The following HDX variants were observed in gnomAD, a reference collection of about 807,000 sequenced individuals.
The protein encoded by HDX is chromosome X open reading frame 43.
Under a neutral mutation model 45.2 loss-of-function variants are expected in HDX, and 19 were observed. The observed-to-expected ratio is 0.42, with a 90% CI of 0.29 to 0.62. The LOEUF is 0.62. Ranked by LOEUF, HDX falls within the 20% of genes least tolerant of loss-of-function variation. The pLI is 0.20. For synonymous variants in HDX, 188 were observed against 172.8 expected (o/e 1.09, Z -0.69); for missense variants, 532 against 493.9 (o/e 1.08, Z -0.73).
At chrX:84,346,325 T>C (rs1259353771) in intron 6 of HDX, among the ~76,000 whole-genome samples, 2 of 111,170 alleles carry the variant, frequency 1.8e-5, no homozygotes, top group Non-Finnish European at 3.8e-5. Context: ...TTAAACATTG[T>C]TTAACATAAT....
intron 5 of HDX, among the ~76,000 whole-genome samples, chrX:84,400,729 G>T (rs1185897509): frequency 9.0e-6 from 1 of 111,211 alleles, no homozygotes; most frequent in East Asian, 2.8e-4. Flanking sequence ...ACCCAAAAAA[G>T]AGCTCGTACA....
chrX:84,448,755 C>A (rs866926046), intron 4 of HDX, among the ~76,000 whole-genome samples: 17 of 110,779 alleles, frequency 1.5e-4, no homozygotes, highest in Middle Eastern at 4.6e-3. Flanking sequence ...AATATGATAC[C>A]TCTAAAGGAT....
At chrX:84,351,045 A>T (rs1332781297) in intron 6 of HDX, among the ~76,000 whole-genome samples, 1 of 107,814 alleles carries the variant, frequency 9.3e-6, no homozygotes, top group Non-Finnish European at 1.9e-5. Context: ...CTATCTATCT[A>T]TCTATCTATC....
chrX:84,440,646 T>C (rs778860041), intron 4 of HDX, 61 bp from the exon 5 acceptor site: 4 of 698,072 alleles, frequency 5.7e-6, no homozygotes, highest in Non-Finnish European at 4.5e-6. Flanking sequence ...GGAATGTTGA[T>C]CAACACCAAA....
At chrX:84,344,138 T>C (rs1189147515) in intron 7 of HDX, 112 bp downstream of exon 7, 3 of 533,615 alleles carry the variant, frequency 5.6e-6, no homozygotes, top group Non-Finnish European at 9.2e-6. Context: ...TTTCAAATAC[T>C]TGGCCAAATG....
At chrX:84,361,225 C>A (rs1281177698) in intron 6 of HDX, among the ~76,000 whole-genome samples, 1 of 111,348 alleles carries the variant, frequency 9.0e-6, no homozygotes, top group African/African-American at 3.3e-5. Flanking sequence ...AATATCTATT[C>A]ATTTCCTTTG....
At chrX:84,350,215 A>G (rs972381008) in intron 6 of HDX, among the ~76,000 whole-genome samples, 2 of 111,255 alleles carry the variant, frequency 1.8e-5, no homozygotes, top group Non-Finnish European at 3.8e-5. Context: ...TATGATTTAG[A>G]TTTTTAAAAT....
At chrX:84,349,702 GTGCA>G (rs1251537880) in intron 6 of HDX, among the ~76,000 whole-genome samples, 6 of 102,341 alleles carry the variant, frequency 5.9e-5, no homozygotes, top group Admixed American at 5.4e-4. Flanking sequence ...GTGTGTGTGT[GTGCA>G]CACACACCAT....
Position 84,468,998 on chromosome X carries a change from T to G in HDX, c.725A>C (p.Asn242Thr). Residue 242 changes from asparagine to threonine, a missense_variant, in exon 4 of 11, where the codon AAC (asparagine) becomes ACC (threonine). Asn to Thr is a moderately conservative substitution (Grantham distance 65, BLOSUM62 0). This residue lies in a region of HDX where 376 missense variants were observed against 343.7 expected (regional missense o/e 1.09). Transcript: ENST00000373177. The stretch of plus-strand genomic sequence containing the variant: ...AATAGTTGGCTTTTGCCCACATAAG[T>G]TATGTAATGCTGGGCCTGTGTGTTC... The part of the protein sequence containing the change: ...KPEHTGPALH[N>T]LCGQKPTIRD... 1 of 1,211,551 alleles carries G rather than the reference T, an allele frequency of 8.3e-7. No individual in the cohort carries two copies.
At chrX:84,483,406 A>T (rs1347846812) in intron 2 of HDX, among the ~76,000 whole-genome samples, 2 of 112,160 alleles carry the variant, frequency 1.8e-5, no homozygotes, top group Non-Finnish European at 3.8e-5. Context: ...ACTTATGTGC[A>T]CCTGCAGGGC....
intron 4 of HDX, among the ~76,000 whole-genome samples, chrX:84,452,321 A>G (rs1208400442): frequency 2.7e-5 from 3 of 111,506 alleles, no homozygotes; most frequent in Non-Finnish European, 3.8e-5. Flanking sequence ...TTGGAGACAG[A>G]AAATCAACAT....
At chrX:84,347,465 C>G (rs771623611) in intron 6 of HDX, among the ~76,000 whole-genome samples, 1 of 111,527 alleles carries the variant, frequency 9.0e-6, no homozygotes, top group East Asian at 2.9e-4. Context: ...CACTACTTAT[C>G]TGCATCCCAC....
chrX:84,347,015 C>T (rs1395438172), intron 6 of HDX, among the ~76,000 whole-genome samples: 1 of 111,176 alleles, frequency 9.0e-6, no homozygotes, highest in African/African-American at 3.3e-5. Context: ...TTTCTTTTAT[C>T]AGAGTTTTGT....
intron 6 of HDX, among the ~76,000 whole-genome samples, chrX:84,353,511 G>A (rs2037406872): frequency 9.0e-6 from 1 of 111,297 alleles, no homozygotes; most frequent in African/African-American, 3.3e-5. Flanking sequence ...CCAGCACCTT[G>A]GTCTTTGATT....
At chrX:84,489,199 A>G (rs138846741) in intron 1 of HDX, among the ~76,000 whole-genome samples, 3,291 of 111,209 alleles carry the variant, frequency 0.03, 51 homozygotes, top group Non-Finnish European at 0.048. Context: ...GTGATGATCT[A>G]TAGTAGTTAA....
chrX:84,424,409 G>T (rs1398180309), intron 5 of HDX, among the ~76,000 whole-genome samples: 1 of 108,972 alleles, frequency 9.2e-6, no homozygotes. Flanking sequence ...GATTCAATGC[G>T]ATCCCATTCA....
At chrX:84,473,652 CAAGT>C (rs1308211849) in intron 3 of HDX, among the ~76,000 whole-genome samples, 1 of 110,549 alleles carries the variant, frequency 9.0e-6, no homozygotes, top group Non-Finnish European at 1.9e-5. Context: ...CAATCACAAT[CAAGT>C]AAGTTATGAG....
intron 9 of HDX, among the ~76,000 whole-genome samples, chrX:84,331,815 G>A (rs2036848025): frequency 9.0e-6 from 1 of 111,606 alleles, no homozygotes; most frequent in Non-Finnish European, 1.9e-5. Context: ...ATGCTGTACA[G>A]GTTTGTAGCC....
intron 6 of HDX, among the ~76,000 whole-genome samples, chrX:84,346,179 T>A (rs927837053): frequency 4.5e-5 from 5 of 110,990 alleles, no homozygotes; most frequent in African/African-American, 1.6e-4. Flanking sequence ...TTGACAAACA[T>A]CTAATTGTTA....
Sources: gnomAD v4.1 joint callset for allele counts (sites outside exome capture counted in the v4.1 genomes callset) on GRCh38, gnomAD v4.1.1 for gene constraint, gnomAD v4.1.1 regional missense constraint, MANE v1.5 for transcripts, NCBI Gene and HGNC (gene_info 2026-07-23, HGNC 2026-07-21) for gene names.